The following MTRR variants were observed in gnomAD, a reference collection of about 807,000 sequenced individuals.
MTRR encodes 5-methyltetrahydrofolate-homocysteine methyltransferase reductase, also known as methionine synthase reductase.
A neutral mutation model predicts 79.2 loss-of-function variants in MTRR; 63 were observed. That is an observed-to-expected ratio of 0.80 (90% CI 0.65 to 0.98). The LOEUF is 0.98. Among genes scored for constraint, MTRR ranks in the 50% least tolerant of loss-of-function variants. The pLI is 0.00. For missense variants in MTRR, 895 were observed against 839.6 expected (o/e 1.07, Z -0.82); for synonymous variants, 355 against 313.3 (o/e 1.13, Z -1.41).
chr5:7,888,949 A>G, intron 8 of MTRR, 146 bp from the exon 9 acceptor site: 2 of 784,378 alleles, frequency 2.5e-6, no homozygotes, highest in Non-Finnish European at 4.2e-6. Context: ...GGTAAATTAA[A>G]TTCCCTCCTC....
In MTRR at chr5:7,853,905, G is replaced by C. The variant is rs148434302; in HGVS notation, n.391+2320G>C. On this transcript the variant is annotated intron_variant and non_coding_transcript_variant, in intron 1 of 3. Coordinates refer to the MTRR transcript ENST00000502509. ...GTGAGATGCTTCTTTCATGAGGTGA[G>C]TCATAGCCCCACGGAATGGTCCACC... 2.9e-3 allele frequency among the ~76,000 whole-genome samples: 439 copies of C among 152,196 alleles called. 17 individuals carry two copies. The East Asian group carries it at 0.074, about 26-fold the overall frequency.
At chr5:7,861,855 T>A in intron 1 of MTRR, 1 of 1,160,018 alleles carries the variant, frequency 8.6e-7, no homozygotes, top group Non-Finnish European at 1.1e-6. Context: ...AGCCTTAAAT[T>A]AAGAAAGCTC....
intron 4 of MTRR, among the ~76,000 whole-genome samples, chr5:7,877,431 T>C (rs1734757181): frequency 6.6e-6 from 1 of 150,954 alleles, no homozygotes; most frequent in Non-Finnish European, 1.5e-5. Context: ...GACTTGGCAT[T>C]AATCCATAGT....
Position 7,881,332 on chromosome 5 carries a change from A to G in MTRR, c.781-1823A>G, listed in dbSNP as rs145860375. Among the ~76,000 whole-genome samples the G allele has an allele frequency of 1.8e-3, 277 of 152,050 alleles. 2 individuals carry two copies. The highest frequency in any genetic ancestry group is 6.3e-3 in the African/African-American group (262 of 41,474). ...TGCTTTAGTGGCCGAGTGTGTCGCA[A>G]CAACCCCAGTTATTGGTCTAGCAAC... On this transcript the variant is annotated intron_variant, in intron 5 of 14. Coordinates refer to ENST00000440940, the MANE Select transcript of MTRR (RefSeq NM_002454.3).
chr5:7,885,614 T>A, intron 6 of MTRR, 87 bp from the exon 7 acceptor site: 1 of 1,267,302 alleles, frequency 7.9e-7, no homozygotes, highest in Non-Finnish European at 1.1e-6. Flanking sequence ...AATCATAATA[T>A]TGAAAACTAT....
chr5:7,854,946 G>A (rs1746195280), intron 1 of MTRR, among the ~76,000 whole-genome samples: 1 of 152,198 alleles, frequency 6.6e-6, no homozygotes. Context: ...CATTCCCAAG[G>A]CATTCAAGCC....
At chr5:7,895,612 A>G in intron 11 of MTRR, 122 bp from the exon 12 acceptor site, 1 of 1,292,248 alleles carries the variant, frequency 7.7e-7, no homozygotes, top group Middle Eastern at 2.3e-4. Flanking sequence ...TGATGCCACT[A>G]TTTAGTGATG....
chr5:7,874,522 C>T (rs1207606091), intron 3 of MTRR, among the ~76,000 whole-genome samples: 1 of 150,752 alleles, frequency 6.6e-6, no homozygotes, highest in Non-Finnish European at 1.5e-5. Context: ...AAGCGTGGAA[C>T]CACTCATTTC....
chr5:7,861,092 A>C, intron 1 of MTRR: 1 of 1,054,290 alleles, frequency 9.5e-7, no homozygotes, highest in Non-Finnish European at 1.4e-6. Context: ...AACCTGGAAA[A>C]ATAATTTTGA....
chr5:7,869,666 G>C (rs1339773894), intron 1 of MTRR: 2 of 207,114 alleles, frequency 9.7e-6, no homozygotes, highest in Non-Finnish European at 2.0e-5. Flanking sequence ...CACCGCCTCC[G>C]CGCCGCTTCC....
At chr5:7,887,766 A>C (rs1278907681) in intron 8 of MTRR, among the ~76,000 whole-genome samples, 7 of 129,042 alleles carry the variant, frequency 5.4e-5, no homozygotes, top group South Asian at 2.6e-4. Flanking sequence ...ATGTGTGTGT[A>C]TGTATATATT....
chr5:7,895,799 A>G lies in MTRR; in HGVS notation c.1623A>G (p.Ile541Met). 6.2e-7 allele frequency: 1 copy of G among 1,614,062 alleles called. No homozygotes were observed. ...HLPDDPSIPI[I>M]MVGPGTGIAP... ...CAGATGACCCCTCAATCCCCATCATAATGGTGGGTCCAGGAACCGGCATAG... is the reference window on the plus strand; with the variant it reads ...CAGATGACCCCTCAATCCCCATCATGATGGTGGGTCCAGGAACCGGCATAG... Residue 541 changes from isoleucine (I) to methionine (M), a missense_variant, in exon 12 of 15, where the codon ATA becomes ATG. By Grantham distance (10) the Ile-to-Met change is conservative. Transcript: ENST00000440940.
At chr5:7,896,379 A>G (rs760397647) in intron 12 of MTRR, 6 of 195,314 alleles carry the variant, frequency 3.1e-5, no homozygotes, top group East Asian at 2.8e-4. Context: ...TATTTGTCAG[A>G]TAGTAGAGTC....
chr5:7,877,537 A>T (rs905800110), intron 4 of MTRR, among the ~76,000 whole-genome samples: 1 of 148,272 alleles, frequency 6.7e-6, no homozygotes, highest in African/African-American at 2.5e-5. Context: ...CATTTGATGG[A>T]TGGAATGAGC....
Position 7,859,608 on chromosome 5 carries a change from CTTTG to C in MTRR, n.392-2335_392-2332del, listed in dbSNP as rs200828643. The stretch of plus-strand genomic sequence containing the variant: ...CTGAGGTTCCTCTGGCTATTGGTTA[CTTTG>C]TTTGTTTCTTACACGCTTCCCCACA... On this transcript the variant is annotated intron_variant and non_coding_transcript_variant, in intron 1 of 3. Transcript: ENST00000502509. 574 of 1,028,964 alleles carry C rather than the reference CTTTG, an allele frequency of 5.6e-4. 4 individuals are homozygous for C. In the East Asian group the frequency reaches 9.7e-3, roughly 17 times the overall value. 63.7% of individuals were successfully genotyped at this position (1,028,964 alleles called of 1,614,324 possible).
At chr5:7,865,662 C>G (rs1369047000), upstream of MTRR, among the ~76,000 whole-genome samples, 1 of 152,124 alleles carries the variant, frequency 6.6e-6, no homozygotes, top group Non-Finnish European at 1.5e-5. Context: ...AACTCACATG[C>G]CTGCAGCACT....
In MTRR at chr5:7,873,632, C is replaced by T. The variant is rs989381279; in HGVS notation, c.283+106C>T. 4.6e-6 allele frequency: 6 copies of T among 1,310,482 alleles called. No individual in the cohort carries two copies. In the Admixed American group the frequency reaches 7.1e-5, roughly 15 times the overall value. The allele number at this position is 1,310,482 out of a possible 1,614,324, so 81.2% of individuals were successfully genotyped here. A position where few individuals can be genotyped will look rare whatever the true frequency, so the allele number is the denominator to read the frequency against. ...GTGTGATCATATAGGTTTTGTCTTT[C>T]TTATGTAAATATTATGTATATGTAT... On this transcript the variant is annotated intron_variant, in intron 3 of 14. Coordinates refer to ENST00000440940, the MANE Select transcript of MTRR (RefSeq NM_002454.3).
At chr5:7,867,654 CCTT>C (rs1328238775), upstream of MTRR, 1 of 1,614,092 alleles carries the variant, frequency 6.2e-7, no homozygotes, top group East Asian at 2.2e-5. Flanking sequence ...TGATCACCAT[CCTT>C]TTTTTCCACT....
At chr5:7,897,914 G>T (rs773289728) in intron 14 of MTRR, among the ~76,000 whole-genome samples, 2 of 147,496 alleles carry the variant, frequency 1.4e-5, no homozygotes, top group African/African-American at 2.5e-5. Context: ...TCTAAGTCAG[G>T]TTCTTTTTTT....
Sources: allele counts gnomAD v4.1 joint callset (sites outside exome capture counted in the v4.1 genomes callset), GRCh38; gene constraint gnomAD v4.1.1; transcripts MANE v1.5; gene names NCBI Gene and HGNC (gene_info 2026-07-23, HGNC 2026-07-21).